Variants in CD300A observed in about 807,000 individuals in gnomAD.
The protein encoded by CD300A is CMRF35-like molecule 8.
In CD300A, 22 loss-of-function variants were observed where a neutral mutation model predicts 33.6. That is an observed-to-expected ratio of 0.66 (90% confidence interval 0.47 to 0.94). The LOEUF (loss-of-function observed/expected upper bound fraction) is 0.94, where lower values mean the gene tolerates loss of function less well. Among genes scored for constraint, CD300A ranks in the 40% least tolerant of loss-of-function variants. The probability of loss-of-function intolerance (pLI) is 0.00; values close to 1 mark genes in which losing one functional copy is unlikely to be tolerated. For missense variants in CD300A, 326 were observed against 360.5 expected, an observed-to-expected ratio of 0.90 and a Z score of 0.77; for synonymous variants, 136 against 148.1, an observed-to-expected ratio of 0.92 and a Z score of 0.59.
intron 1 of CD300A, 40 bp from the exon 2 acceptor site, chr17:74,473,496 C>G (rs766987374): frequency 6.3e-7 from 1 of 1,577,776 alleles, no homozygotes; most frequent in Admixed American, 1.7e-5. Context: ...TGACCAGGCT[C>G]ATCTGAGGAG....
intron 2 of CD300A, 69 bp from the exon 3 acceptor site, chr17:74,474,463 A>G: frequency 6.5e-6 from 10 of 1,529,556 alleles, no homozygotes; most frequent in Non-Finnish European, 8.1e-6. Flanking sequence ...ATCAAACCAA[A>G]AAGGCATCCT....
Position 74,472,237 on chromosome 17 carries a change from C to CAAA in CD300A, c.41-1286_41-1284dup, listed in dbSNP as rs11435286. Among the ~76,000 whole-genome samples the CAAA allele has an allele frequency of 9.3e-3, 1,255 of 135,312 alleles. 28 individuals are homozygous for CAAA. The highest frequency in any genetic ancestry group is 0.031 in the African/African-American group (1,155 of 37,682). 88.8% of individuals were successfully genotyped at this position (135,312 alleles called of 152,430 possible). A position where few individuals can be genotyped will look rare whatever the true frequency, so the allele number is the denominator to read the frequency against. On this transcript the variant is annotated intron_variant, in intron 1 of 6. Coordinates refer to ENST00000360141, the MANE Select transcript of CD300A (RefSeq NM_007261.4). ...TGGGCAACAGAGCAAGACTCCATCT[C>CAAA]AAAAAAAAAAAAAAATCAAAGAGTT...
Position 74,484,306 on chromosome 17 carries a change from C to T in CD300A, c.*180C>T, listed in dbSNP as rs1907112947. 11 of 592,468 alleles carry T rather than the reference C, an allele frequency of 1.9e-5. No individual in the cohort carries two copies. The highest frequency in any genetic ancestry group is 1.7e-4 in the South Asian group (8 of 46,578). 36.7% of individuals were successfully genotyped at this position (592,468 alleles called of 1,614,324 possible). On this transcript the variant is annotated 3_prime_UTR_variant, in exon 7 of 7. Coordinates refer to ENST00000360141, the MANE Select transcript of CD300A (RefSeq NM_007261.4). The stretch of plus-strand genomic sequence containing the variant: ...TCAGCTTGATTGGCTTCCCCGAGGG[C>T]CAGCAGGGCTGGGGGCTCCGGAGAG...
chr17:74,473,036 G>A (rs1906208457), intron 1 of CD300A, among the ~76,000 whole-genome samples: 1 of 152,076 alleles, frequency 6.6e-6, no homozygotes, highest in South Asian at 2.1e-4. Context: ...GCCCTCCCGG[G>A]AGTGCAGGTG....
At position 74,480,219 on chromosome 17, in the gene CD300A, C is replaced by T. The variant is rs1386682519; in HGVS notation, c.629-1070C>T. Among the ~76,000 whole-genome samples the T allele has an allele frequency of 6.6e-6, 1 of 152,156 alleles. No homozygotes were observed. The highest frequency in any genetic ancestry group is 1.5e-5 in the Non-Finnish European group (1 of 68,020). On this transcript the variant is annotated intron_variant, in intron 4 of 6. Transcript: ENST00000360141. The surrounding 1 kb of genome is among the most constrained non-coding windows in gnomAD (Gnocchi z 4.2). Reference sequence around the variant, plus strand: ...CAGCTGTGGCTCAGCAAGCCCGTCACTATACGTGGTCTTGTGTCTCCCAAC... The same window carrying T: ...CAGCTGTGGCTCAGCAAGCCCGTCATTATACGTGGTCTTGTGTCTCCCAAC...
At chr17:74,467,697 C>T (rs1382666584) in intron 1 of CD300A, among the ~76,000 whole-genome samples, 1 of 152,176 alleles carries the variant, frequency 6.6e-6, no homozygotes, top group Non-Finnish European at 1.5e-5. Context: ...AACTACTTGT[C>T]TGTGGGAAGG....
At chr17:74,482,753 C>G (rs143228810) in intron 6 of CD300A, among the ~76,000 whole-genome samples, 32 of 140,704 alleles carry the variant, frequency 2.3e-4, no homozygotes, top group African/African-American at 8.9e-4. Flanking sequence ...CTCTATCCCC[C>G]AGGCTGGAAT....
intron 1 of CD300A, among the ~76,000 whole-genome samples, chr17:74,473,111 G>A (rs566514759): frequency 9.9e-5 from 15 of 152,234 alleles, no homozygotes; most frequent in African/African-American, 3.6e-4. Context: ...GGGTGAGAGG[G>A]GTGGGAAGGG....
chr17:74,469,067 T>C (rs1035804898), intron 1 of CD300A, among the ~76,000 whole-genome samples: 18 of 152,342 alleles, frequency 1.2e-4, no homozygotes, highest in African/African-American at 4.3e-4. Flanking sequence ...TAGGGAGATC[T>C]CCCTGTTTCC....
At chr17:74,479,449 A>G (rs1294262616) in intron 4 of CD300A, among the ~76,000 whole-genome samples, 3 of 151,816 alleles carry the variant, frequency 2.0e-5, no homozygotes, top group Non-Finnish European at 4.4e-5. Context: ...GGGTTTCACT[A>G]TGTTGCCCAG....
intron 1 of CD300A, chr17:74,470,159 G>A (rs1314061754): frequency 9.1e-6 from 9 of 985,426 alleles, no homozygotes; most frequent in Non-Finnish European, 1.1e-5. Context: ...GATTAGAGGG[G>A]TTTGGGGTGG....
chr17:74,474,018 G>T (rs1299983516), intron 2 of CD300A, 144 bp downstream of exon 2: 2 of 905,804 alleles, frequency 2.2e-6, no homozygotes. Context: ...ACACAGTCAG[G>T]GGGTCTCTCC....
At chr17:74,475,050 C>T (rs369493529) in intron 3 of CD300A, among the ~76,000 whole-genome samples, 18 of 152,194 alleles carry the variant, frequency 1.2e-4, no homozygotes, top group African/African-American at 3.9e-4. Flanking sequence ...AAGACATACC[C>T]GAGACTGGAT....
chr17:74,471,392 C>T (rs539177643), intron 1 of CD300A, among the ~76,000 whole-genome samples: 63 of 152,168 alleles, frequency 4.1e-4, no homozygotes, highest in Admixed American at 7.2e-4. Context: ...TTGTCTTGGT[C>T]AAAAAGTTTA....
intron 5 of CD300A, 113 bp from the exon 6 acceptor site, chr17:74,481,613 A>G: frequency 1.3e-6 from 1 of 754,268 alleles, no homozygotes; most frequent in Admixed American, 2.2e-5. Flanking sequence ...AGGAAGGGGA[A>G]GGTGGGGGCT....
At chr17:74,472,990 G>A (rs1251992136) in intron 1 of CD300A, among the ~76,000 whole-genome samples, 2 of 152,004 alleles carry the variant, frequency 1.3e-5, no homozygotes, top group East Asian at 1.9e-4. Flanking sequence ...TGTGTGGGCC[G>A]GTCTTCCTCT....
intron 1 of CD300A, among the ~76,000 whole-genome samples, chr17:74,473,132 G>A (rs1022834955): frequency 2.0e-5 from 3 of 152,120 alleles, no homozygotes; most frequent in Admixed American, 6.6e-5. Context: ...TAAGGGAAAG[G>A]AGGCAGGGGG....
chr17:74,473,952 A>G (rs1906286794), intron 2 of CD300A, 78 bp downstream of exon 2: 3 of 1,498,820 alleles, frequency 2.0e-6, no homozygotes, highest in Non-Finnish European at 2.7e-6. Flanking sequence ...AGAGACGTGA[A>G]GCAGACAGTG....
intron 4 of CD300A, among the ~76,000 whole-genome samples, chr17:74,477,875 G>A (rs544434091): frequency 1.8e-4 from 27 of 152,242 alleles, no homozygotes; most frequent in Admixed American, 1.6e-3. Flanking sequence ...GGCTGAGATG[G>A]GAGGATTGCT....
Sources: allele counts gnomAD v4.1 joint callset (sites outside exome capture counted in the v4.1 genomes callset), GRCh38; gene constraint gnomAD v4.1.1; non-coding constraint Gnocchi (gnomAD v3.1); transcripts MANE v1.5; gene names NCBI Gene and HGNC (gene_info 2026-07-23, HGNC 2026-07-21).